EHBP1: variants seen among roughly 807,000 people sequenced by gnomAD.
The protein encoded by EHBP1 is EH domain-binding protein 1.
Under a neutral mutation model 144.0 loss-of-function variants are expected in EHBP1, and 55 were observed. That is an observed-to-expected ratio of 0.38 (90% CI 0.31 to 0.48). EHBP1 has a LOEUF of 0.48. Ranked by LOEUF, EHBP1 falls within the 20% of genes least tolerant of loss-of-function variation. The pLI is 0.98. For missense variants in EHBP1, 1,200 were observed against 1,364.2 expected (o/e 0.88, Z 1.90); for synonymous variants, 469 against 472.7 (o/e 0.99, Z 0.10).
chr2:62,837,179 A>G (rs1283800219), intron 7 of EHBP1, among the ~76,000 whole-genome samples: 4 of 148,500 alleles, frequency 2.7e-5, no homozygotes, highest in Admixed American at 1.3e-4. Context: ...AGTGGGGGCC[A>G]ATATTCAATA....
intron 14 of EHBP1, among the ~76,000 whole-genome samples, chr2:62,959,373 C>T (rs554616562): frequency 2.0e-5 from 3 of 152,236 alleles, no homozygotes; most frequent in East Asian, 3.9e-4. Flanking sequence ...TTGATTTCAG[C>T]TTTTTCTGAT....
intron 1 of EHBP1, among the ~76,000 whole-genome samples, chr2:62,694,742 ACTCTCTCTGCTTCAT>A (rs991980603): frequency 1.3e-5 from 2 of 151,914 alleles, no homozygotes; most frequent in Non-Finnish European, 2.9e-5. Flanking sequence ...AAATGAAGCA[ACTCTCTCTGCTTCAT>A]CTCCTGGCTT....
intron 3 of EHBP1, among the ~76,000 whole-genome samples, chr2:62,754,647 G>T (rs540813348): frequency 3.9e-5 from 6 of 152,184 alleles, no homozygotes; most frequent in Admixed American, 2.0e-4. Context: ...CACCCAGTTC[G>T]AGCTTCCTGA....
chr2:62,759,770 A>C (rs111424634), intron 3 of EHBP1, among the ~76,000 whole-genome samples: 1 of 152,178 alleles, frequency 6.6e-6, no homozygotes, highest in African/African-American at 2.4e-5. Context: ...GGTTAGTACA[A>C]TTAGATATTT....
chr2:62,938,431 A>G (rs1277374081), intron 10 of EHBP1, among the ~76,000 whole-genome samples: 1 of 152,222 alleles, frequency 6.6e-6, no homozygotes, highest in African/African-American at 2.4e-5. Context: ...TAGAGCAGAA[A>G]AAATAGAACT....
At position 62,914,057 on chromosome 2, in the gene EHBP1, A is replaced by G. The variant is rs1167069558; in HGVS notation, c.1186-28661A>G. On this transcript the variant is annotated intron_variant, in intron 10 of 22. Transcript: ENST00000431489. ...GACAATTCCTAGAAAGAGAGTGTCA[A>G]ACCTTTTCAATCAGGCAGGTTGACT... Among the ~76,000 whole-genome samples the G allele has an allele frequency of 2.6e-5, 4 of 152,314 alleles. 1 individual carries two copies. In the South Asian group the frequency reaches 8.3e-4, roughly 32 times the overall value.
rs138479517 is a variant in EHBP1, at chr2:62,733,383, G to A, written c.105-14012G>A. On this transcript the variant is annotated intron_variant, in intron 2 of 22. Coordinates refer to ENST00000431489, the MANE Select transcript of EHBP1 (RefSeq NM_001142616.3). ...AGAGATTTCTTCCTAACTGAGGTCT[G>A]AGTTGGATAGTTCTTTCAGTTGTAT... is the stretch of plus-strand genomic sequence containing the variant. 2.8e-4 allele frequency among the ~76,000 whole-genome samples: 42 copies of A among 152,236 alleles called. No homozygotes were observed. In the East Asian group the frequency reaches 8.1e-3, roughly 29 times the overall value.
At chr2:62,990,885 T>C in intron 16 of EHBP1, 45 bp downstream of exon 16, 1 of 1,544,216 alleles carries the variant, frequency 6.5e-7, no homozygotes, top group South Asian at 1.3e-5. Context: ...ATCTGTGTCT[T>C]CTAGTTTCTG....
chr2:62,738,676 T>G (rs920009007), intron 2 of EHBP1, among the ~76,000 whole-genome samples: 11 of 152,194 alleles, frequency 7.2e-5, no homozygotes, highest in Admixed American at 6.6e-4. Flanking sequence ...CCTGTATTTC[T>G]CTCTTTTAAA....
intron 2 of EHBP1, among the ~76,000 whole-genome samples, chr2:62,731,363 CAGTTTT>C (rs1573012247): frequency 6.6e-6 from 1 of 152,098 alleles, no homozygotes; most frequent in East Asian, 1.9e-4. Context: ...CAAACAAATA[CAGTTTT>C]ATTTCTTCCT....
chr2:63,016,864 G>T (rs1023411581), intron 19 of EHBP1, among the ~76,000 whole-genome samples: 11 of 152,196 alleles, frequency 7.2e-5, no homozygotes, highest in African/African-American at 2.7e-4. Context: ...GCTCTCCAAG[G>T]TCTTCATGTG....
At chr2:62,750,318 G>A (rs1376774535) in intron 3 of EHBP1, among the ~76,000 whole-genome samples, 1 of 151,916 alleles carries the variant, frequency 6.6e-6, no homozygotes, top group Non-Finnish European at 1.5e-5. Flanking sequence ...ATTTCTGAGG[G>A]CTCTGTTCTG....
chr2:63,021,680 G>A (rs2060755272), intron 19 of EHBP1, among the ~76,000 whole-genome samples: 1 of 152,110 alleles, frequency 6.6e-6, no homozygotes, highest in Non-Finnish European at 1.5e-5. Context: ...TGTATGCGTT[G>A]GCCCCTGAGT....
chr2:62,955,745 T>C (rs1485778448), intron 14 of EHBP1, 85 bp downstream of exon 14: 14 of 1,457,074 alleles, frequency 9.6e-6, no homozygotes, highest in Middle Eastern at 3.6e-4. Flanking sequence ...ATTTCTGCTA[T>C]GTTATTTTTC....
intron 10 of EHBP1, among the ~76,000 whole-genome samples, chr2:62,915,736 G>T (rs967268786): frequency 1.3e-5 from 2 of 152,066 alleles, no homozygotes; most frequent in African/African-American, 4.8e-5. Flanking sequence ...TAAAATAATT[G>T]TTAATGGGGT....
At chr2:63,028,771 G>C (rs968499362) in intron 19 of EHBP1, among the ~76,000 whole-genome samples, 1 of 152,038 alleles carries the variant, frequency 6.6e-6, no homozygotes, top group Non-Finnish European at 1.5e-5. Context: ...TCTAATCACA[G>C]TCCCACTTGG....
intron 10 of EHBP1, among the ~76,000 whole-genome samples, chr2:62,932,712 G>C (rs1273220706): frequency 1.3e-5 from 2 of 152,118 alleles, no homozygotes; most frequent in Non-Finnish European, 2.9e-5. Flanking sequence ...TCAGCACTTT[G>C]GGAGGCCGAG....
chr2:62,804,889 T>C (rs1264113437), intron 5 of EHBP1, among the ~76,000 whole-genome samples: 1 of 152,144 alleles, frequency 6.6e-6, no homozygotes, highest in Non-Finnish European at 1.5e-5. Context: ...GGTTGCACGC[T>C]CCTTATGAGA....
At chr2:63,038,887 A>G in intron 21 of EHBP1, 71 bp downstream of exon 21, 2 of 1,422,380 alleles carry the variant, frequency 1.4e-6, no homozygotes, top group Non-Finnish European at 2.0e-6. Flanking sequence ...AATATAATAC[A>G]CTTCTGGTCT....
Sources: gnomAD v4.1 joint callset for allele counts (sites outside exome capture counted in the v4.1 genomes callset) on GRCh38, gnomAD v4.1.1 for gene constraint, MANE v1.5 for transcripts, NCBI Gene and HGNC (gene_info 2026-07-23, HGNC 2026-07-21) for gene names.